The following FYN variants were observed in gnomAD, a reference collection of about 807,000 sequenced individuals.
FYN encodes the protein tyrosine-protein kinase Fyn.
In FYN, 10 loss-of-function variants were observed where a neutral mutation model predicts 70.2. That is an observed-to-expected ratio of 0.14 (90% CI 0.09 to 0.24). The LOEUF (loss-of-function observed/expected upper bound fraction) is 0.24, where lower values mean the gene tolerates loss of function less well. FYN is among the 10% of genes least tolerant of loss of function. FYN has a pLI of 1.00. For synonymous variants in FYN, 236 were observed against 248.6 expected (o/e 0.95, Z 0.48); for missense variants, 319 against 673.1 (o/e 0.47, Z 5.82).
chr6:111,665,994 CCTT>C (rs1458552318), intron 13 of FYN, among the ~76,000 whole-genome samples: 4 of 139,618 alleles, frequency 2.9e-5, no homozygotes, highest in African/African-American at 8.1e-5. Context: ...TCCTTTTTCT[CCTT>C]TTTTTTTTTT....
chr6:111,714,603 A>T, intron 4 of FYN, 160 bp from the exon 5 acceptor site: 1 of 626,426 alleles, frequency 1.6e-6, no homozygotes, highest in Non-Finnish European at 2.8e-6. Flanking sequence ...CCACAGTCAC[A>T]GGGCTGTGTT....
At chr6:111,771,903 T>TTG (rs541127538) in intron 3 of FYN, among the ~76,000 whole-genome samples, 3 of 151,872 alleles carry the variant, frequency 2.0e-5, no homozygotes, top group Non-Finnish European at 4.4e-5. Flanking sequence ...AGGCAGGCAC[T>TTG]TGTGGCCTGA....
chr6:111,714,730 G>A (rs1267846485), intron 4 of FYN, among the ~76,000 whole-genome samples: 2 of 152,190 alleles, frequency 1.3e-5, no homozygotes, highest in Non-Finnish European at 1.5e-5. Flanking sequence ...TATTAAAATT[G>A]CATCCCAAAC....
chr6:111,851,803 C>T (rs564416461), intron 1 of FYN, among the ~76,000 whole-genome samples: 1 of 152,012 alleles, frequency 6.6e-6, no homozygotes, highest in African/African-American at 2.4e-5. Context: ...AGCTGAAGAG[C>T]CCTGCTCCCT....
intron 2 of FYN, among the ~76,000 whole-genome samples, chr6:111,796,723 G>C (rs1325133374): frequency 6.6e-6 from 1 of 152,226 alleles, no homozygotes; most frequent in African/African-American, 2.4e-5. Context: ...CTATGGGTAA[G>C]AAACCTTAAT....
intron 3 of FYN, among the ~76,000 whole-genome samples, chr6:111,722,368 G>A (rs947336983): frequency 6.6e-6 from 1 of 152,148 alleles, no homozygotes; most frequent in African/African-American, 2.4e-5. Flanking sequence ...AATAGGAAAT[G>A]CAAGCTATTT....
intron 2 of FYN, among the ~76,000 whole-genome samples, chr6:111,807,718 G>A (rs1400913259): frequency 6.6e-6 from 1 of 152,144 alleles, no homozygotes; most frequent in Non-Finnish European, 1.5e-5. Flanking sequence ...TAGGTTGGGA[G>A]GTGAGGCCTG....
chr6:111,780,193 T>C (rs1442831316), intron 3 of FYN, among the ~76,000 whole-genome samples: 1 of 152,174 alleles, frequency 6.6e-6, no homozygotes, highest in Non-Finnish European at 1.5e-5. Flanking sequence ...TTTTAATATA[T>C]GGGTCACACG....
chr6:111,735,600 G>A (rs1801674439), intron 3 of FYN, among the ~76,000 whole-genome samples: 1 of 152,130 alleles, frequency 6.6e-6, no homozygotes, highest in South Asian at 2.1e-4. Flanking sequence ...TTAAGCAGGA[G>A]TGAAACTGGG....
At chr6:111,710,801 T>C (rs978423725) in intron 5 of FYN, among the ~76,000 whole-genome samples, 9 of 152,194 alleles carry the variant, frequency 5.9e-5, no homozygotes, top group Admixed American at 5.2e-4. Context: ...GAAAATAGGA[T>C]CTCTACTATG....
At chr6:111,733,520 G>A (rs1028772678) in intron 3 of FYN, among the ~76,000 whole-genome samples, 11 of 152,234 alleles carry the variant, frequency 7.2e-5, no homozygotes, top group Admixed American at 5.2e-4. Context: ...GAGAAGGTCT[G>A]TAAGCAGTGC....
At chr6:111,789,302 G>A (rs1356799028) in intron 2 of FYN, among the ~76,000 whole-genome samples, 1 of 152,142 alleles carries the variant, frequency 6.6e-6, no homozygotes, top group Non-Finnish European at 1.5e-5. Context: ...AGCTGGACTG[G>A]AGAGATAAAG....
rs1488477466 is a variant in FYN, at chr6:111,660,412, A to G, written c.*1327T>C. 2 of 152,264 alleles carry G rather than the reference A, an allele frequency of 1.3e-5. No homozygotes were observed. The highest frequency in any genetic ancestry group is 2.9e-5 in the Non-Finnish European group (2 of 68,040). The allele number at this position is 152,264 out of a possible 1,614,324, so 9.4% of individuals were successfully genotyped here. A position where few individuals can be genotyped will look rare whatever the true frequency, so the allele number is the denominator to read the frequency against. On this transcript the variant is annotated 3_prime_UTR_variant, in exon 14 of 14. Transcript: ENST00000354650. ...AAAAATGTAAACTCACAAATAAATC[A>G]TAACAAAAAAGGAATTAAGACTTCA... is the stretch of plus-strand genomic sequence containing the variant.
intron 1 of FYN, among the ~76,000 whole-genome samples, chr6:111,849,402 G>A (rs542291116): frequency 3.9e-5 from 6 of 152,104 alleles, no homozygotes; most frequent in Non-Finnish European, 8.8e-5. Context: ...CCAGCTCCCC[G>A]TCACCCCCCT....
chr6:111,837,298 A>G (rs1354105462), intron 2 of FYN, among the ~76,000 whole-genome samples: 1 of 152,204 alleles, frequency 6.6e-6, no homozygotes, highest in Non-Finnish European at 1.5e-5. Context: ...ATCTGGTAAC[A>G]GTAGAATGGG....
chr6:111,869,669 C>T (rs1304914073), intron 1 of FYN, among the ~76,000 whole-genome samples: 5 of 152,242 alleles, frequency 3.3e-5, no homozygotes, highest in Non-Finnish European at 5.9e-5. Flanking sequence ...GCTGGGATTA[C>T]AGGCGTGAGC....
At chr6:111,844,059 G>C (rs1773446280) in intron 2 of FYN, among the ~76,000 whole-genome samples, 1 of 152,210 alleles carries the variant, frequency 6.6e-6, no homozygotes, top group Non-Finnish European at 1.5e-5. Context: ...AGACAGATCT[G>C]AGTAGAATCC....
intron 2 of FYN, among the ~76,000 whole-genome samples, chr6:111,782,564 C>A (rs1327871043): frequency 1.3e-5 from 2 of 152,146 alleles, no homozygotes; most frequent in Non-Finnish European, 2.9e-5. Context: ...TTAGTCCATG[C>A]TGTTGACTGA....
Position 111,816,862 on chromosome 6 carries a change from C to T in FYN, c.-82+29727G>A, listed in dbSNP as rs1772505051. ...GTATTGGATGTTCAATGCAGTGTTG[C>T]TTCTAACAGAAAAATCAGCAATAAC... On this transcript the variant is annotated intron_variant, in intron 2 of 13. Coordinates refer to ENST00000354650, the MANE Select transcript of FYN (RefSeq NM_002037.5). Among the ~76,000 whole-genome samples, 3 of 152,302 alleles carry T rather than the reference C, an allele frequency of 2.0e-5. No homozygotes were observed. The South Asian group carries it at 6.2e-4, about 32-fold the overall frequency.
Sources: gnomAD v4.1 joint callset for allele counts (sites outside exome capture counted in the v4.1 genomes callset) on GRCh38, gnomAD v4.1.1 for gene constraint, MANE v1.5 for transcripts, NCBI Gene and HGNC (gene_info 2026-07-23, HGNC 2026-07-21) for gene names.